ST6GALNAC5: variants seen among roughly 807,000 people sequenced by gnomAD.
The protein encoded by ST6GALNAC5 is alpha-N-acetylgalactosaminide alpha-2,6-sialyltransferase 5.
Under a neutral mutation model 33.6 loss-of-function variants are expected in ST6GALNAC5, and 27 were observed. The ratio of observed to expected loss-of-function variants is 0.80; its 90% confidence interval spans 0.59 to 1.11. The LOEUF (loss-of-function observed/expected upper bound fraction) is 1.11. Ranked by LOEUF, ST6GALNAC5 falls within the 50% of genes least tolerant of loss-of-function variation. The pLI is 0.00. For missense variants in ST6GALNAC5, 428 were observed against 454.0 expected (o/e 0.94, Z 0.52); for synonymous variants, 194 against 171.2 (o/e 1.13, Z -1.04).
intron 2 of ST6GALNAC5, among the ~76,000 whole-genome samples, chr1:76,925,174 A>C (rs1203459420): frequency 6.6e-6 from 1 of 151,896 alleles, no homozygotes; most frequent in African/African-American, 2.4e-5. Flanking sequence ...GCAAGAATTC[A>C]CTCATCACCA....
At chr1:77,023,560 T>C (rs1651128354) in intron 2 of ST6GALNAC5, among the ~76,000 whole-genome samples, 1 of 152,116 alleles carries the variant, frequency 6.6e-6, no homozygotes, top group Non-Finnish European at 1.5e-5. Context: ...CACTCAGAAC[T>C]GCAGGATGGC....
intron 2 of ST6GALNAC5, among the ~76,000 whole-genome samples, chr1:76,942,225 G>A (rs905089164): frequency 6.6e-6 from 1 of 152,068 alleles, no homozygotes; most frequent in Admixed American, 6.6e-5. Context: ...TGTAACATAA[G>A]AACAACTTGA....
intron 2 of ST6GALNAC5, among the ~76,000 whole-genome samples, chr1:77,010,218 C>T (rs572278989): frequency 5.6e-4 from 85 of 152,122 alleles, no homozygotes; most frequent in Admixed American, 1.5e-3. Context: ...AACCTTGGGC[C>T]GGGCAGTGGT....
At chr1:76,886,216 AT>A (rs1244933909) in intron 2 of ST6GALNAC5, among the ~76,000 whole-genome samples, 2 of 151,950 alleles carry the variant, frequency 1.3e-5, no homozygotes, top group African/African-American at 4.8e-5. Flanking sequence ...ACCTCTTCTG[AT>A]TTCTTTTTCA....
At chr1:77,031,339 C>T (rs1414034526) in intron 2 of ST6GALNAC5, among the ~76,000 whole-genome samples, 4 of 152,190 alleles carry the variant, frequency 2.6e-5, no homozygotes, top group African/African-American at 9.7e-5. Flanking sequence ...AGCTGGGGTG[C>T]TGAGTTGTTA....
At chr1:77,048,558 A>G (rs1287312468) in intron 3 of ST6GALNAC5, among the ~76,000 whole-genome samples, 1 of 152,224 alleles carries the variant, frequency 6.6e-6, no homozygotes, top group Non-Finnish European at 1.5e-5. Flanking sequence ...GTGAGAAAGA[A>G]GGAAAATCAT....
chr1:76,971,915 C>A (rs1173948420), intron 2 of ST6GALNAC5, among the ~76,000 whole-genome samples: 2 of 152,160 alleles, frequency 1.3e-5, no homozygotes, highest in Admixed American at 6.5e-5. Flanking sequence ...AAGTCCTTTT[C>A]CTGCTTTAGA....
At position 76,958,781 on chromosome 1, in the gene ST6GALNAC5, C is replaced by T. The variant is rs76234138; in HGVS notation, c.262-85423C>T. Among the ~76,000 whole-genome samples, 286 of 152,090 alleles carry T rather than the reference C, an allele frequency of 1.9e-3. 1 individual carries two copies. In the East Asian group the frequency reaches 0.021, roughly 11 times the overall value. ...CTCATTGGTCTCTCTGTTTTGAATG[C>T]TTACTTTCTTCTGCTTCACCATCTA... On this transcript the variant is annotated intron_variant, in intron 2 of 4. Transcript: ENST00000477717.
intron 2 of ST6GALNAC5, among the ~76,000 whole-genome samples, chr1:76,897,926 C>T (rs968329569): frequency 7.9e-5 from 12 of 152,084 alleles, no homozygotes; most frequent in African/African-American, 2.9e-4. Flanking sequence ...GGGTAGCCTC[C>T]ATATTGATTA....
Position 76,982,981 on chromosome 1 carries a change from A to G in ST6GALNAC5, c.262-61223A>G, listed in dbSNP as rs992717215. On this transcript the variant is annotated intron_variant, in intron 2 of 4. Transcript: ENST00000477717. ...AATGCTGAGAGATTTTGTCACCACC[A>G]GGCCTGCTTTACAAGAGCTCCTGAA... Among the ~76,000 whole-genome samples, 12 of 152,160 alleles carry G rather than the reference A, an allele frequency of 7.9e-5. 1 individual carries two copies. The East Asian group carries it at 1.6e-3, about 20-fold the overall frequency.
At chr1:77,049,121 T>C (rs1652126159) in intron 3 of ST6GALNAC5, among the ~76,000 whole-genome samples, 1 of 152,128 alleles carries the variant, frequency 6.6e-6, no homozygotes, top group Non-Finnish European at 1.5e-5. Context: ...AATGAAGGAC[T>C]CCTTAAAAAT....
At chr1:76,902,523 A>T (rs1359678049) in intron 2 of ST6GALNAC5, among the ~76,000 whole-genome samples, 15 of 152,268 alleles carry the variant, frequency 9.9e-5, no homozygotes, top group Admixed American at 9.2e-4. Flanking sequence ...GTACAAATTG[A>T]TGAGCTGATC....
intron 2 of ST6GALNAC5, among the ~76,000 whole-genome samples, chr1:76,878,146 T>C (rs1653690580): frequency 6.6e-6 from 1 of 152,234 alleles, no homozygotes; most frequent in Non-Finnish European, 1.5e-5. Flanking sequence ...GTGGCACTAA[T>C]CTCTGCAATC....
chr1:76,908,011 C>A (rs532567730), intron 2 of ST6GALNAC5, among the ~76,000 whole-genome samples: 6 of 152,234 alleles, frequency 3.9e-5, no homozygotes, highest in African/African-American at 1.4e-4. Flanking sequence ...TTCCTATGCA[C>A]ACAATTAGCC....
chr1:76,904,282 T>A (rs1156800113), intron 2 of ST6GALNAC5, among the ~76,000 whole-genome samples: 1 of 151,936 alleles, frequency 6.6e-6, no homozygotes, highest in Non-Finnish European at 1.5e-5. Flanking sequence ...ATATTAGAGC[T>A]CAGTTGAGAA....
chr1:76,894,483 G>A (rs892529349), intron 2 of ST6GALNAC5, among the ~76,000 whole-genome samples: 2 of 152,212 alleles, frequency 1.3e-5, no homozygotes, highest in East Asian at 1.9e-4. Context: ...GGCAGGGGGG[G>A]GATCTTTAAG....
At chr1:76,896,482 A>G (rs1053864854) in intron 2 of ST6GALNAC5, among the ~76,000 whole-genome samples, 4 of 152,166 alleles carry the variant, frequency 2.6e-5, no homozygotes, top group Admixed American at 6.5e-5. Context: ...GGCTTGTACT[A>G]TAGCATAGCC....
intron 2 of ST6GALNAC5, among the ~76,000 whole-genome samples, chr1:77,027,755 G>A (rs748096386): frequency 6.7e-4 from 102 of 152,162 alleles, no homozygotes; most frequent in Non-Finnish European, 1.1e-3. Flanking sequence ...AGCTTTAGAC[G>A]TGTTTGGTGG....
intron 2 of ST6GALNAC5, among the ~76,000 whole-genome samples, chr1:76,985,499 C>G (rs561435893): frequency 6.6e-6 from 1 of 151,950 alleles, no homozygotes; most frequent in Admixed American, 6.6e-5. Flanking sequence ...CACTGTACAA[C>G]GAAAGAAAAG....
Sources: allele counts gnomAD v4.1 joint callset (sites outside exome capture counted in the v4.1 genomes callset), GRCh38; gene constraint gnomAD v4.1.1; transcripts MANE v1.5; gene names NCBI Gene and HGNC (gene_info 2026-07-23, HGNC 2026-07-21).